CSMD2: variants seen among roughly 807,000 people sequenced by gnomAD.
CSMD2 encodes the protein CUB and sushi domain-containing protein 2.
Under a neutral mutation model 398.5 loss-of-function variants are expected in CSMD2, and 130 were observed. The ratio of observed to expected loss-of-function variants is 0.33; its 90% confidence interval spans 0.28 to 0.38. The LOEUF (loss-of-function observed/expected upper bound fraction) is 0.38. Ranked by LOEUF, CSMD2 falls within the 10% of genes least tolerant of loss-of-function variation. CSMD2 has a pLI of 1.00. For synonymous variants in CSMD2, 1,828 were observed against 1,908.5 expected, an observed-to-expected ratio of 0.96 and a Z score of 1.10; for missense variants, 3,829 against 4,764.9, an observed-to-expected ratio of 0.80 and a Z score of 5.78.
At chr1:33,590,061 A>G (rs1311815251) in intron 44 of CSMD2, among the ~76,000 whole-genome samples, 1 of 152,048 alleles carries the variant, frequency 6.6e-6, no homozygotes, top group Non-Finnish European at 1.5e-5. Context: ...ACTTAAATAC[A>G]GCCTGGGTAC....
At chr1:33,825,656 A>G in intron 7 of CSMD2, 41 bp downstream of exon 7, 1 of 1,589,474 alleles carries the variant, frequency 6.3e-7, no homozygotes, top group Non-Finnish European at 8.6e-7. Context: ...TGTGACCTCA[A>G]GCAAGAGGCC....
At chr1:33,673,360 A>G (rs1391225645) in intron 25 of CSMD2, among the ~76,000 whole-genome samples, 1 of 152,254 alleles carries the variant, frequency 6.6e-6, no homozygotes, top group Non-Finnish European at 1.5e-5. Context: ...AAAGGGTATC[A>G]GCGATGGAAG....
chr1:33,896,734 C>T (rs577509237), intron 5 of CSMD2, among the ~76,000 whole-genome samples: 2 of 152,286 alleles, frequency 1.3e-5, no homozygotes, highest in South Asian at 2.1e-4. Context: ...AGACACTCTA[C>T]TGACTGGGAG....
chr1:34,139,259 G>A (rs1341802996), intron 1 of CSMD2, among the ~76,000 whole-genome samples: 1 of 152,118 alleles, frequency 6.6e-6, no homozygotes, highest in South Asian at 2.1e-4. Context: ...CATGGGAGTG[G>A]AAGTGGTGGC....
intron 48 of CSMD2, among the ~76,000 whole-genome samples, chr1:33,579,880 T>C (rs1020580928): frequency 3.9e-5 from 6 of 152,182 alleles, no homozygotes. Flanking sequence ...GGTTTCACTA[T>C]GTTGGTCAGG....
intron 10 of CSMD2, among the ~76,000 whole-genome samples, chr1:33,798,770 G>C (rs991943889): frequency 2.0e-5 from 3 of 152,226 alleles, no homozygotes; most frequent in Admixed American, 1.3e-4. Flanking sequence ...CTTGTCCTGA[G>C]AATCATGGGA....
chr1:33,692,398 A>C (rs1467899122), intron 25 of CSMD2, among the ~76,000 whole-genome samples: 1 of 152,228 alleles, frequency 6.6e-6, no homozygotes. Flanking sequence ...AACAGCCTAA[A>C]AAAGGGAAGC....
intron 13 of CSMD2, among the ~76,000 whole-genome samples, chr1:33,767,899 G>A (rs911477297): frequency 2.0e-5 from 3 of 152,186 alleles, no homozygotes; most frequent in Non-Finnish European, 4.4e-5. Context: ...GAAATCTAGT[G>A]CAATGGAGAC....
intron 3 of CSMD2, among the ~76,000 whole-genome samples, chr1:34,011,285 T>C (rs1647292942): frequency 6.6e-6 from 1 of 152,186 alleles, no homozygotes; most frequent in South Asian, 2.1e-4. Flanking sequence ...CTAATAACTC[T>C]TTCTAATAAC....
intron 5 of CSMD2, among the ~76,000 whole-genome samples, chr1:33,896,332 T>C (rs2125223525): frequency 6.6e-6 from 1 of 152,232 alleles, no homozygotes; most frequent in Middle Eastern, 3.4e-3. Flanking sequence ...TAGGACCATT[T>C]GTTTCTGTGA....
At chr1:33,542,051 C>T (rs1421459026) in intron 58 of CSMD2, among the ~76,000 whole-genome samples, 2 of 152,148 alleles carry the variant, frequency 1.3e-5, no homozygotes, top group African/African-American at 4.8e-5. Flanking sequence ...GTCTCAAAAC[C>T]AAAGTGAACT....
chr1:33,975,574 C>T (rs763093400), intron 3 of CSMD2, among the ~76,000 whole-genome samples: 21 of 151,622 alleles, frequency 1.4e-4, no homozygotes, highest in Non-Finnish European at 2.9e-4. Flanking sequence ...GGCCATCCAC[C>T]CAGATTCCTT....
At chr1:33,705,256 A>T (rs913545122) in intron 22 of CSMD2, among the ~76,000 whole-genome samples, 1 of 152,212 alleles carries the variant, frequency 6.6e-6, no homozygotes, top group African/African-American at 2.4e-5. Context: ...TGGTGAGAAC[A>T]TTTGAAATTT....
At chr1:33,836,547 C>G (rs1409606825) in intron 6 of CSMD2, among the ~76,000 whole-genome samples, 1 of 152,216 alleles carries the variant, frequency 6.6e-6, no homozygotes, top group East Asian at 1.9e-4. Context: ...TTTACCTACT[C>G]AAGCCTCAGC....
chr1:34,069,680 A>G (rs905365822), intron 2 of CSMD2, among the ~76,000 whole-genome samples: 4 of 151,988 alleles, frequency 2.6e-5, no homozygotes, highest in African/African-American at 9.7e-5. Context: ...ATTATGAGAC[A>G]CTCCCAACAA....
chr1:33,613,017 G>A (rs368194246), intron 40 of CSMD2, among the ~76,000 whole-genome samples: 1 of 152,200 alleles, frequency 6.6e-6, no homozygotes, highest in Non-Finnish European at 1.5e-5. Context: ...TAAGGATGGC[G>A]GAATTTCTGA....
At position 33,600,977 on chromosome 1, in the gene CSMD2, G is replaced by A. The variant is rs1480237630; in HGVS notation, c.6744C>T (p.Gly2248=). Residue 2248 remains glycine, a synonymous_variant, in exon 44 of 71, where the codon GGC becomes GGT. Coordinates refer to ENST00000373381, the MANE Select transcript of CSMD2 (RefSeq NM_001281956.2). ...DGPQQTAPRL[G]VFTRSMAKKT... Reference sequence around the variant, plus strand: ...TCTTGGCCATGCTCCGGGTGAAGACGCCGAGCCGTGGTGCTGTTTGCTGTG... The same window carrying A: ...TCTTGGCCATGCTCCGGGTGAAGACACCGAGCCGTGGTGCTGTTTGCTGTG... The A allele has an allele frequency of 4.3e-6, 7 of 1,614,016 alleles. No homozygotes were observed. In the Admixed American group the frequency reaches 5.0e-5, roughly 12 times the overall value.
rs1643139921 is a variant in CSMD2 at position 33,907,119 on chromosome 1, T to G, written c.920+10975A>C. 3.5e-5 allele frequency among the ~76,000 whole-genome samples: 5 copies of G among 144,036 alleles called. No individual in the cohort carries two copies. The South Asian group carries it at 1.2e-3, about 33-fold the overall frequency. The allele number at this position is 144,036 out of a possible 152,430, so 94.5% of individuals were successfully genotyped here. Reference sequence around the variant, plus strand: ...GGTTGGTTATTTGATGATTATCTTTTTTTTTTTTTTTTTTTTTGAGACGGA... The same window carrying G: ...GGTTGGTTATTTGATGATTATCTTTGTTTTTTTTTTTTTTTTTGAGACGGA... On this transcript the variant is annotated intron_variant, in intron 5 of 70. Coordinates refer to ENST00000373381, the MANE Select transcript of CSMD2 (RefSeq NM_001281956.2).
intron 5 of CSMD2, among the ~76,000 whole-genome samples, chr1:33,848,392 A>G (rs968964405): frequency 1.3e-5 from 2 of 152,080 alleles, no homozygotes; most frequent in African/African-American, 4.8e-5. Flanking sequence ...CGCAGAACTC[A>G]CTCTCTTCCT....
Sources: gnomAD v4.1 joint callset for allele counts (sites outside exome capture counted in the v4.1 genomes callset) on GRCh38, gnomAD v4.1.1 for gene constraint, MANE v1.5 for transcripts, NCBI Gene and HGNC (gene_info 2026-07-23, HGNC 2026-07-21) for gene names.